The following TBC1D2 variants were observed in gnomAD, a reference collection of about 807,000 sequenced individuals.
TBC1D2 encodes the protein TBC1 domain family member 2.
In TBC1D2, 58 loss-of-function variants were observed where a neutral mutation model predicts 91.1. The observed-to-expected ratio is 0.64, with a 90% CI of 0.52 to 0.79. The LOEUF is 0.79. TBC1D2 is among the 30% of genes least tolerant of loss of function. The pLI, the probability that TBC1D2 is intolerant of heterozygous loss-of-function variation, is 0.00. For synonymous variants in TBC1D2, 482 were observed against 511.5 expected (o/e 0.94, Z 0.78); for missense variants, 1,080 against 1,208.3 (o/e 0.89, Z 1.57).
At chr9:98,204,051 TA>T (rs1477662114) in intron 9 of TBC1D2, among the ~76,000 whole-genome samples, 1 of 152,102 alleles carries the variant, frequency 6.6e-6, no homozygotes, top group Admixed American at 6.5e-5. Flanking sequence ...CAAGTTAGCA[TA>T]AGGCTCTAAT....
At position 98,251,933 on chromosome 9, in the gene TBC1D2, A is replaced by G. The variant is rs1242070080; in HGVS notation, c.370-7T>C. The stretch of plus-strand genomic sequence containing the variant: ...TCGCTTGCTTGGTGGCGGCCTGAGA[A>G]GCACAAGGATTAGTTGGCAAGGCCC... On this transcript the variant is annotated splice_polypyrimidine_tract_variant and splice_region_variant and intron_variant, in intron 1 of 12. Transcript: ENST00000465784. 6.3e-7 allele frequency: 1 copy of G among 1,598,708 alleles called. No homozygotes were observed. Among genetic ancestry groups the G allele is most frequent in the African/African-American group, 1.4e-5 (1 of 73,866 alleles).
At chr9:98,252,014 G>A in intron 1 of TBC1D2, 88 bp from the exon 2 acceptor site, 1 of 1,492,886 alleles carries the variant, frequency 6.7e-7, no homozygotes. Flanking sequence ...GGGAGGCTTA[G>A]GAATGCTTTC....
chr9:98,204,247 C>T (rs766363881), intron 9 of TBC1D2, among the ~76,000 whole-genome samples: 3 of 152,210 alleles, frequency 2.0e-5, no homozygotes, highest in African/African-American at 4.8e-5. Flanking sequence ...TAGGTGAACA[C>T]AAGGTTCTAT....
At chr9:98,206,519 C>T (rs1176048414) in intron 9 of TBC1D2, among the ~76,000 whole-genome samples, 2 of 152,148 alleles carry the variant, frequency 1.3e-5, no homozygotes, top group Non-Finnish European at 2.9e-5. Context: ...GGATTTTTCT[C>T]TGCCCCTTCA....
chr9:98,230,405 C>G (rs565171801), intron 4 of TBC1D2, among the ~76,000 whole-genome samples: 1 of 152,322 alleles, frequency 6.6e-6, no homozygotes, highest in Non-Finnish European at 1.5e-5. Flanking sequence ...AACCAAATTA[C>G]TCATTTGCAG....
At chr9:98,210,629 C>G in intron 8 of TBC1D2, 27 bp downstream of exon 8, 1 of 1,547,740 alleles carries the variant, frequency 6.5e-7, no homozygotes, top group Non-Finnish European at 8.7e-7. Context: ...TCACATAGAC[C>G]AGCCCTTCCT....
At chr9:98,201,757 AAT>A in intron 10 of TBC1D2, 93 bp from the exon 11 acceptor site, 1 of 1,316,282 alleles carries the variant, frequency 7.6e-7, no homozygotes. Context: ...GTCCACACAC[AAT>A]CCTGAAGCTG....
intron 3 of TBC1D2, among the ~76,000 whole-genome samples, chr9:98,242,913 G>A (rs940760643): frequency 3.4e-5 from 5 of 148,562 alleles, no homozygotes; most frequent in Non-Finnish European, 7.4e-5. Context: ...CCTGGGCTTG[G>A]GATTACAGGC....
intron 6 of TBC1D2, among the ~76,000 whole-genome samples, chr9:98,215,829 T>A (rs996349852): frequency 6.6e-6 from 1 of 152,128 alleles, no homozygotes; most frequent in Non-Finnish European, 1.5e-5. Context: ...TCTAAAGCCC[T>A]AATCACCAAA....
chr9:98,200,407 G>A lies in TBC1D2; in HGVS notation c.2458-33C>T, dbSNP rs534967432. ...TAGAGTGGGGGCTCAGGTAGGGCAT[G>A]GGGGGGCCAGGCAGGTCATCCCCGG... On this transcript the variant is annotated intron_variant, in intron 11 of 12. Coordinates refer to ENST00000465784, the MANE Select transcript of TBC1D2 (RefSeq NM_001267571.2). 28 of 1,561,054 alleles carry A rather than the reference G, an allele frequency of 1.8e-5. No individual in the cohort carries two copies. The African/African-American group carries it at 3.4e-4, about 19-fold the overall frequency.
At chr9:98,240,028 G>C (rs1829598051) in intron 3 of TBC1D2, among the ~76,000 whole-genome samples, 1 of 151,966 alleles carries the variant, frequency 6.6e-6, no homozygotes, top group Non-Finnish European at 1.5e-5. Flanking sequence ...GCTCTCTTTT[G>C]TTCTTGACTT....
chr9:98,252,006 G>C, intron 1 of TBC1D2, 80 bp from the exon 2 acceptor site: 2 of 1,517,856 alleles, frequency 1.3e-6, no homozygotes, highest in Non-Finnish European at 1.8e-6. Context: ...AAGGTTGTGG[G>C]AGGCTTAGGA....
intron 9 of TBC1D2, among the ~76,000 whole-genome samples, chr9:98,207,216 A>G (rs1828677244): frequency 6.6e-6 from 1 of 152,226 alleles, no homozygotes. Flanking sequence ...TATGAAAAAT[A>G]TCTACCTTTG....
At chr9:98,255,101 C>A in intron 1 of TBC1D2, 72 bp downstream of exon 1, 2 of 1,527,350 alleles carry the variant, frequency 1.3e-6, no homozygotes, top group South Asian at 2.6e-5. Context: ...ACCTCACACT[C>A]GCGCCCAGCC....
chr9:98,249,323 C>G (rs1829826320), intron 2 of TBC1D2, among the ~76,000 whole-genome samples: 1 of 152,212 alleles, frequency 6.6e-6, no homozygotes, highest in South Asian at 2.1e-4. Context: ...CTCCAATGCC[C>G]ACAGCAGGGG....
At position 98,250,825 on chromosome 9, in the gene TBC1D2, C is replaced by T. The variant is rs569767339; in HGVS notation, c.511+960G>A. ...GGGGCAGCTGTGAGGTGGTCCATAC[C>T]GATCCTAAAACCTGCCAATCATGTT... On this transcript the variant is annotated intron_variant, in intron 2 of 12. Coordinates refer to ENST00000465784, the MANE Select transcript of TBC1D2 (RefSeq NM_001267571.2). Among the ~76,000 whole-genome samples, 7 of 152,246 alleles carry T rather than the reference C, an allele frequency of 4.6e-5. No homozygotes were observed. The East Asian group carries it at 7.7e-4, about 17-fold the overall frequency.
At chr9:98,255,083 C>T in intron 1 of TBC1D2, 90 bp downstream of exon 1, 1 of 1,496,414 alleles carries the variant, frequency 6.7e-7, no homozygotes, top group Non-Finnish European at 8.9e-7. Context: ...TCCAAATTTA[C>T]TGTGTCCACC....
At chr9:98,201,044 G>A (rs1828484161) in intron 11 of TBC1D2, among the ~76,000 whole-genome samples, 1 of 151,564 alleles carries the variant, frequency 6.6e-6, no homozygotes, top group South Asian at 2.1e-4. Flanking sequence ...AGAAAGAAAT[G>A]AGAAATCTGT....
chr9:98,253,159 T>C (rs1028900180), intron 1 of TBC1D2, among the ~76,000 whole-genome samples: 2 of 152,134 alleles, frequency 1.3e-5, no homozygotes, highest in Non-Finnish European at 2.9e-5. Context: ...AATACAGGGG[T>C]GAGCCAACAC....
Sources: allele counts gnomAD v4.1 joint callset (sites outside exome capture counted in the v4.1 genomes callset), GRCh38; gene constraint gnomAD v4.1.1; transcripts MANE v1.5; gene names NCBI Gene and HGNC (gene_info 2026-07-23, HGNC 2026-07-21).